The following ZNF41 variants were observed in gnomAD, a reference collection of about 807,000 sequenced individuals.
ZNF41 encodes zinc finger protein 41.
A neutral mutation model predicts 9.3 loss-of-function variants in ZNF41; 6 were observed. The ratio of observed to expected loss-of-function variants is 0.65; its 90% CI spans 0.35 to 1.28. The LOEUF (loss-of-function observed/expected upper bound fraction) is 1.28. Ranked by LOEUF, ZNF41 falls within the 50% of genes most tolerant of loss-of-function variation. ZNF41 has a pLI of 0.03. For missense variants in ZNF41, 523 were observed against 585.8 expected (o/e 0.89, Z 1.11); for synonymous variants, 192 against 207.1 (o/e 0.93, Z 0.63).
At chrX:47,477,549 A>AT (rs2057368545) in intron 1 of ZNF41, among the ~76,000 whole-genome samples, 2 of 112,552 alleles carry the variant, frequency 1.8e-5, no homozygotes, top group South Asian at 3.7e-4. Context: ...AGCCAAAAAA[A>AT]TTTTTTAAAA....
intron 1 of ZNF41, among the ~76,000 whole-genome samples, chrX:47,474,718 A>C (rs1475927096): frequency 9.3e-6 from 1 of 107,426 alleles, no homozygotes; most frequent in East Asian, 2.9e-4. Flanking sequence ...TCTCTACAAA[A>C]AATTTAGAAA....
chrX:47,467,048 G>A (rs888491906), intron 2 of ZNF41, among the ~76,000 whole-genome samples: 9 of 111,954 alleles, frequency 8.0e-5, no homozygotes, highest in African/African-American at 2.3e-4. Context: ...TGCTGTGGTG[G>A]GGGATGGAGG....
intron 4 of ZNF41, among the ~76,000 whole-genome samples, chrX:47,451,145 G>A (rs1242015475): frequency 1.8e-5 from 2 of 111,936 alleles, no homozygotes; most frequent in Non-Finnish European, 3.8e-5. Context: ...CAAAGGGTGA[G>A]AGTGTTAACA....
At chrX:47,458,330 A>G (rs1602885057) in intron 2 of ZNF41, among the ~76,000 whole-genome samples, 1 of 112,249 alleles carries the variant, frequency 8.9e-6, no homozygotes, top group African/African-American at 3.2e-5. Context: ...GATACACTCA[A>G]TATCAATGTA....
chrX:47,464,201 C>T (rs1304090919), intron 2 of ZNF41, among the ~76,000 whole-genome samples: 1 of 111,449 alleles, frequency 9.0e-6, no homozygotes, highest in Non-Finnish European at 1.9e-5. Context: ...CAGTGATCAC[C>T]ACTTCTCCAG....
chrX:47,469,629 C>T (rs1197171215), intron 1 of ZNF41, among the ~76,000 whole-genome samples: 2 of 111,904 alleles, frequency 1.8e-5, no homozygotes, highest in East Asian at 5.6e-4. Context: ...CCTGTAATTC[C>T]AGCACTTTGG....
At chrX:47,466,645 G>T (rs1602941682) in intron 2 of ZNF41, among the ~76,000 whole-genome samples, 1 of 111,116 alleles carries the variant, frequency 9.0e-6, no homozygotes, top group Admixed American at 9.6e-5. Flanking sequence ...AGCCTCCCAA[G>T]TAGCTGGGAT....
chrX:47,476,609 C>T (rs2147829829), intron 1 of ZNF41, among the ~76,000 whole-genome samples: 1 of 111,019 alleles, frequency 9.0e-6, no homozygotes, highest in African/African-American at 3.3e-5. Context: ...AAATCAAAAC[C>T]ACAAGATACC....
rs748678938 is a variant in ZNF41 at position 47,448,163 on chromosome X, G to A, written c.1607C>T (p.Ser536Leu). ...AGTTTTCTGGTGTTTAATGAGATTT[G>A]ACTGGTCAGTAAAAGCCTTTCCACA... The part of the protein sequence containing the change: ...AECGKAFTDQ[S>L]NLIKHQKTHT... Residue 536 changes from serine (S) to leucine (L), a missense_variant, in exon 5 of 5, where the codon TCA (serine) becomes TTA (leucine). Physicochemically the swap from Ser to Leu is moderately radical, Grantham distance 145. Coordinates refer to ENST00000684689, the MANE Select transcript of ZNF41 (RefSeq NM_001324144.2). 8.3e-7 allele frequency: 1 copy of A among 1,211,679 alleles called. No individual in the cohort carries two copies. The highest frequency in any genetic ancestry group is 1.1e-6 in the Non-Finnish European group (1 of 895,545).
At chrX:47,470,068 A>C (rs1375847543) in intron 1 of ZNF41, among the ~76,000 whole-genome samples, 1 of 111,265 alleles carries the variant, frequency 9.0e-6, no homozygotes, top group African/African-American at 3.3e-5. Flanking sequence ...AAAAATAATC[A>C]AAATTCCAAA....
intron 1 of ZNF41, among the ~76,000 whole-genome samples, chrX:47,470,785 TAGG>T (rs2057170605): frequency 9.4e-6 from 1 of 106,175 alleles, no homozygotes; most frequent in Non-Finnish European, 2.0e-5. Flanking sequence ...AAAAAAATAA[TAGG>T]AGGCATAAAA....
chrX:47,453,328 T>G (rs2056434923), intron 4 of ZNF41, among the ~76,000 whole-genome samples: 2 of 111,558 alleles, frequency 1.8e-5, no homozygotes, highest in Admixed American at 1.9e-4. Context: ...AGAATTCTTG[T>G]GGGATGGAGG....
chrX:47,453,734 G>T (rs1245977274), intron 4 of ZNF41, among the ~76,000 whole-genome samples: 2 of 112,086 alleles, frequency 1.8e-5, no homozygotes, highest in African/African-American at 6.5e-5. Flanking sequence ...AATGGAATCA[G>T]CAAATAAAAT....
chrX:47,481,362 A>T (rs772866870), intron 1 of ZNF41, among the ~76,000 whole-genome samples: 2 of 112,024 alleles, frequency 1.8e-5, no homozygotes, highest in Non-Finnish European at 3.8e-5. Context: ...ACTTGAGCCT[A>T]GGAGGTTGAG....
At position 47,448,833 on chromosome X, in the gene ZNF41, G is replaced by A; in HGVS notation, c.937C>T (p.Gln313Ter). The A allele has an allele frequency of 8.3e-7, 1 of 1,211,399 alleles. No individual in the cohort carries two copies. The highest frequency in any genetic ancestry group is 1.1e-6 in the Non-Finnish European group (1 of 895,428). Residue 313 changes from glutamine to a stop codon, truncating the protein, a stop_gained, in exon 5 of 5, where the codon CAG (glutamine) becomes TAG (stop). Transcript: ENST00000684689. LOFTEE classifies it low-confidence loss of function (END_TRUNC). ...TAAACACTTGGATGTACATCAACCT[G>A]GGGTTTCTGGGGGAAGACTTTGTTG... ...KSNKVFPQKPQVDVHPSVYTG... is the reference protein window; with the variant it reads ...KSNKVFPQKP
intron 2 of ZNF41, among the ~76,000 whole-genome samples, chrX:47,462,958 CACACACACATATGTGT>C (rs1200004849): frequency 9.5e-6 from 1 of 105,068 alleles, no homozygotes; most frequent in African/African-American, 3.5e-5. Flanking sequence ...CACACACACA[CACACACACATATGTGT>C]ACACACACAC....
intron 1 of ZNF41, among the ~76,000 whole-genome samples, chrX:47,469,601 C>T (rs895412737): frequency 8.1e-5 from 9 of 111,657 alleles, no homozygotes; most frequent in Non-Finnish European, 5.6e-5. Context: ...ATTCCCTGGC[C>T]GGGTGCCATG....
At chrX:47,449,596 G>T in intron 4 of ZNF41, 122 bp from the exon 5 acceptor site, 1 of 766,147 alleles carries the variant, frequency 1.3e-6, no homozygotes, top group Non-Finnish European at 1.9e-6. Context: ...CAATATAGTA[G>T]TAATAATGTA....
chrX:47,474,372 C>T lies in ZNF41; in HGVS notation c.-279-6612G>A, dbSNP rs372074076. On this transcript the variant is annotated intron_variant, in intron 1 of 4. Coordinates refer to ENST00000684689, the MANE Select transcript of ZNF41 (RefSeq NM_001324144.2). Reference sequence around the variant, plus strand: ...ATCCCAGCTACTCAGGACGCTGAGGCGGGACAACCACTTGAACCCAGGAGG... The same window carrying T: ...ATCCCAGCTACTCAGGACGCTGAGGTGGGACAACCACTTGAACCCAGGAGG... Among the ~76,000 whole-genome samples, 402 of 110,223 alleles carry T rather than the reference C, an allele frequency of 3.6e-3. 1 individual carries two copies. The highest frequency in any genetic ancestry group is 5.5e-3 in the Non-Finnish European group (291 of 52,619).
Sources: allele counts gnomAD v4.1 joint callset (sites outside exome capture counted in the v4.1 genomes callset), GRCh38; gene constraint gnomAD v4.1.1; transcripts MANE v1.5; gene names NCBI Gene and HGNC (gene_info 2026-07-23, HGNC 2026-07-21).